The following ADAP2 variants were observed in gnomAD, a reference collection of about 807,000 sequenced individuals.
ADAP2 encodes arf-GAP with dual PH domain-containing protein 2.
A neutral mutation model predicts 54.9 loss-of-function variants in ADAP2; 42 were observed. The observed-to-expected ratio is 0.77, with a 90% CI of 0.60 to 0.99. The LOEUF (loss-of-function observed/expected upper bound fraction) is 0.99. ADAP2 is among the 50% of genes least tolerant of loss of function. The pLI is 0.00. For synonymous variants in ADAP2, 177 were observed against 180.1 expected, an observed-to-expected ratio of 0.98 and a Z score of 0.14; for missense variants, 429 against 480.4, an observed-to-expected ratio of 0.89 and a Z score of 1.00.
chr17:30,928,360 G>A (rs1318387399), intron 3 of ADAP2, among the ~76,000 whole-genome samples: 1 of 151,956 alleles, frequency 6.6e-6, no homozygotes, highest in Non-Finnish European at 1.5e-5. Context: ...GCTGGGCATG[G>A]TGGTACATGC....
intron 5 of ADAP2, among the ~76,000 whole-genome samples, chr17:30,942,907 G>A (rs1912377843): frequency 6.6e-6 from 1 of 152,214 alleles, no homozygotes; most frequent in Non-Finnish European, 1.5e-5. Flanking sequence ...AACAGATACT[G>A]GTGAGGTTGT....
chr17:30,937,334 G>T (rs1273429767), intron 5 of ADAP2, among the ~76,000 whole-genome samples: 1 of 151,874 alleles, frequency 6.6e-6, no homozygotes, highest in African/African-American at 2.4e-5. Context: ...TGATTCCCCT[G>T]CCTCAGCCTC....
intron 7 of ADAP2, among the ~76,000 whole-genome samples, chr17:30,949,887 T>C (rs1904497468): frequency 6.6e-6 from 1 of 151,908 alleles, no homozygotes; most frequent in Non-Finnish European, 1.5e-5. Flanking sequence ...CAGCCTCACA[T>C]ACGACAAGGC....
chr17:30,928,772 TG>T (rs1409319261), intron 3 of ADAP2, among the ~76,000 whole-genome samples: 1 of 152,130 alleles, frequency 6.6e-6, no homozygotes, highest in African/African-American at 2.4e-5. Flanking sequence ...TGAGGGTTAG[TG>T]TGGCACTGGT....
chr17:30,953,157 A>G (rs1904802296), intron 7 of ADAP2, 131 bp from the exon 8 acceptor site: 1 of 753,266 alleles, frequency 1.3e-6, no homozygotes, highest in Non-Finnish European at 2.3e-6. Context: ...CACTTTCCAA[A>G]TATAATACTG....
rs372430718 is a variant in ADAP2 at position 30,956,323 on chromosome 17, G to A, written c.965G>A (p.Arg322Gln). 2.2e-5 allele frequency: 35 copies of A among 1,614,096 alleles called. No individual in the cohort carries two copies. Among genetic ancestry groups the A allele is most frequent in the Admixed American group, 1.2e-4 (7 of 60,008 alleles). The change falls in exon 10 of 11, where the codon CGA (arginine) becomes CAA (glutamine). Residue 322 changes from arginine (R) to glutamine (Q), a missense_variant. Transcript: ENST00000330889. Reference protein sequence around the residue: ...EAYEDLPKGIRGNRWKAGLTI... With the variant: ...EAYEDLPKGIQGNRWKAGLTI... ...TACGAAGACCTGCCCAAGGGCATCC[G>A]AGGAAATCGCTGGAAAGCCGGACTC... is the stretch of plus-strand genomic sequence containing the variant.
At chr17:30,934,783 C>T (rs1252109945) in intron 5 of ADAP2, among the ~76,000 whole-genome samples, 1 of 152,216 alleles carries the variant, frequency 6.6e-6, no homozygotes, top group Non-Finnish European at 1.5e-5. Flanking sequence ...ATAATCCCAG[C>T]ACTTTAGTAA....
At chr17:30,956,492 T>A in intron 10 of ADAP2, 23 bp downstream of exon 10, 1 of 1,609,790 alleles carries the variant, frequency 6.2e-7, no homozygotes. Context: ...AACTGAGGGG[T>A]GTTCTTTTGG....
At chr17:30,933,646 C>T (rs1488912720) in intron 4 of ADAP2, among the ~76,000 whole-genome samples, 5 of 152,086 alleles carry the variant, frequency 3.3e-5, no homozygotes, top group Non-Finnish European at 4.4e-5. Context: ...ATTACAGGCA[C>T]GCGCCACCAT....
At position 30,957,985 on chromosome 17, in the gene ADAP2, G is replaced by A; in HGVS notation, c.*116G>A. ...GCCCCGCAGTCAGCAGCCATTCCTG[G>A]CAGTGAACTCTGCCAGGACTGAAGC... is the stretch of plus-strand genomic sequence containing the variant. On this transcript the variant is annotated 3_prime_UTR_variant, in exon 11 of 11. Coordinates refer to ENST00000330889, the MANE Select transcript of ADAP2 (RefSeq NM_018404.3). 9.9e-7 allele frequency: 1 copy of A among 1,006,738 alleles called. No homozygotes were observed. The highest frequency in any genetic ancestry group is 1.5e-6 in the Non-Finnish European group (1 of 651,452). 62.4% of individuals were successfully genotyped at this position (1,006,738 alleles called of 1,614,324 possible). A position where few individuals can be genotyped will look rare whatever the true frequency, so the allele number is the denominator to read the frequency against.
intron 2 of ADAP2, among the ~76,000 whole-genome samples, chr17:30,926,172 C>T (rs1180035167): frequency 6.6e-6 from 1 of 152,186 alleles, no homozygotes; most frequent in Non-Finnish European, 1.5e-5. Context: ...GAGCAATGCT[C>T]CTCTCCTGCA....
rs567251533 is a variant in ADAP2 at position 30,944,763 on chromosome 17, A to G, written c.511-144A>G. The G allele has an allele frequency of 4.6e-6, 4 of 872,374 alleles. No individual in the cohort carries two copies. The East Asian group carries it at 1.0e-4, about 22-fold the overall frequency. The allele number at this position is 872,374 out of a possible 1,614,324, so 54.0% of individuals were successfully genotyped here. On this transcript the variant is annotated intron_variant, in intron 5 of 10. Transcript: ENST00000330889. ...GCGTAAGCCACTGCGTCCGGCCAGT[A>G]TCTGAATTTCGATATGAGAGCAAGA...
intron 5 of ADAP2, among the ~76,000 whole-genome samples, chr17:30,941,792 G>T (rs1291898429): frequency 6.6e-6 from 1 of 152,196 alleles, no homozygotes; most frequent in Non-Finnish European, 1.5e-5. Context: ...GAATGGGGTA[G>T]AGATTCTGCG....
At chr17:30,954,059 G>A (rs924405507) in intron 8 of ADAP2, among the ~76,000 whole-genome samples, 2 of 152,162 alleles carry the variant, frequency 1.3e-5, no homozygotes, top group Non-Finnish European at 1.5e-5. Flanking sequence ...TCAGAGAGGC[G>A]CAGCCCCTCC....
chr17:30,944,904 C>T lies in ADAP2; in HGVS notation c.511-3C>T, dbSNP rs1260365861. ...CGTCTTTCTTTCTCTTTCTCTCTTTCAGGGTAAAAGCCCCAAAGCTGTCAT... is the reference window on the plus strand; with the variant it reads ...CGTCTTTCTTTCTCTTTCTCTCTTTTAGGGTAAAAGCCCCAAAGCTGTCAT... On this transcript the variant is annotated splice_polypyrimidine_tract_variant and splice_region_variant and intron_variant, in intron 5 of 10. Transcript: ENST00000330889. 2.5e-6 allele frequency: 4 copies of T among 1,612,818 alleles called. No individual in the cohort carries two copies. The highest frequency in any genetic ancestry group is 2.7e-5 in the African/African-American group (2 of 74,932).
intron 3 of ADAP2, among the ~76,000 whole-genome samples, chr17:30,930,175 G>A (rs201783935): frequency 6.6e-6 from 1 of 151,798 alleles, no homozygotes. Flanking sequence ...GGGTTCAAGC[G>A]ATTCTCCTGT....
intron 9 of ADAP2, among the ~76,000 whole-genome samples, chr17:30,955,136 G>A (rs1382825093): frequency 6.6e-6 from 1 of 150,804 alleles, no homozygotes; most frequent in Non-Finnish European, 1.5e-5. Context: ...TAGAGACAGA[G>A]TCTCTCTCTG....
chr17:30,946,706 C>T (rs1912705528), intron 6 of ADAP2, among the ~76,000 whole-genome samples: 1 of 152,156 alleles, frequency 6.6e-6, no homozygotes. Flanking sequence ...CTGGGCACTG[C>T]TTTTGGTGAT....
At chr17:30,944,670 G>C (rs551554552) in intron 5 of ADAP2, among the ~76,000 whole-genome samples, 1 of 152,192 alleles carries the variant, frequency 6.6e-6, no homozygotes, top group Non-Finnish European at 1.5e-5. Context: ...AAGTTGGCCA[G>C]GCTGGTTTCA....
Sources: allele counts gnomAD v4.1 joint callset (sites outside exome capture counted in the v4.1 genomes callset), GRCh38; gene constraint gnomAD v4.1.1; transcripts MANE v1.5; gene names NCBI Gene and HGNC (gene_info 2026-07-23, HGNC 2026-07-21).